GRIN2A: variants seen among roughly 807,000 people sequenced by gnomAD.
GRIN2A encodes the protein glutamate ionotropic receptor NMDA type subunit 2A.
GRIN2A carries 22 observed loss-of-function variants against 113.4 expected under a neutral mutation model. The observed-to-expected ratio is 0.19, with a 90% CI of 0.14 to 0.28. GRIN2A has a LOEUF of 0.28. Among genes scored for constraint, GRIN2A ranks in the 10% least tolerant of loss-of-function variants. GRIN2A has a pLI of 1.00. For missense variants in GRIN2A, 1,502 were observed against 1,887.0 expected (o/e 0.80, Z 3.78); for synonymous variants, 827 against 738.4 (o/e 1.12, Z -1.94).
intron 11 of GRIN2A, among the ~76,000 whole-genome samples, chr16:9,779,804 G>C (rs568719491): frequency 2.0e-5 from 3 of 152,164 alleles, no homozygotes; most frequent in Non-Finnish European, 4.4e-5. Context: ...CTTTTCCCAA[G>C]TCTAAGGCAC....
chr16:9,916,002 G>C (rs756076923), intron 3 of GRIN2A, among the ~76,000 whole-genome samples: 1 of 152,160 alleles, frequency 6.6e-6, no homozygotes, highest in Admixed American at 6.5e-5. Context: ...GGATTATTGA[G>C]AGTGCTGCAA....
At chr16:10,114,412 G>C (rs369664972) in intron 2 of GRIN2A, among the ~76,000 whole-genome samples, 1 of 152,162 alleles carries the variant, frequency 6.6e-6, no homozygotes, top group African/African-American at 2.4e-5. Context: ...ATGCCAGCCT[G>C]GGTGAAATGA....
intron 4 of GRIN2A, among the ~76,000 whole-genome samples, chr16:9,884,399 G>C (rs2043548504): frequency 6.6e-6 from 1 of 151,984 alleles, no homozygotes; most frequent in African/African-American, 2.4e-5. Context: ...AAACACAAAA[G>C]TTAGCCAGGA....
chr16:10,141,845 A>G (rs1421885404), intron 2 of GRIN2A, among the ~76,000 whole-genome samples: 1 of 152,210 alleles, frequency 6.6e-6, no homozygotes, highest in Non-Finnish European at 1.5e-5. Flanking sequence ...TGCATTGCCA[A>G]AGGTCACACT....
intron 2 of GRIN2A, among the ~76,000 whole-genome samples, chr16:10,062,726 G>A (rs1207789502): frequency 6.6e-6 from 1 of 152,122 alleles, no homozygotes; most frequent in East Asian, 1.9e-4. Context: ...TTAGTTGCGT[G>A]TGATGGCATA....
chr16:9,913,254 T>C (rs2044180300), intron 3 of GRIN2A, among the ~76,000 whole-genome samples: 1 of 152,222 alleles, frequency 6.6e-6, no homozygotes, highest in Admixed American at 6.5e-5. Context: ...GGGTCACTCC[T>C]TATGAGTCTC....
intron 2 of GRIN2A, among the ~76,000 whole-genome samples, chr16:9,978,158 A>T (rs1438346821): frequency 1.3e-5 from 2 of 152,230 alleles, no homozygotes; most frequent in Non-Finnish European, 2.9e-5. Flanking sequence ...ACCAACTGAT[A>T]AAGAAAAAGC....
At chr16:10,145,701 G>T (rs1218010384) in intron 2 of GRIN2A, among the ~76,000 whole-genome samples, 1 of 152,088 alleles carries the variant, frequency 6.6e-6, no homozygotes, top group Non-Finnish European at 1.5e-5. Flanking sequence ...TTCTGTAAAG[G>T]GCCAGATAGT....
intron 10 of GRIN2A, among the ~76,000 whole-genome samples, chr16:9,820,759 G>A (rs994588912): frequency 1.3e-5 from 2 of 152,172 alleles, no homozygotes; most frequent in Non-Finnish European, 2.9e-5. Flanking sequence ...GTGGGGCGGG[G>A]TTCCAGGGAG....
chr16:10,091,044 C>T lies in GRIN2A; in HGVS notation c.414+88954G>A, dbSNP rs189098789. 2.3e-3 allele frequency among the ~76,000 whole-genome samples: 355 copies of T among 152,222 alleles called. 1 individual carries two copies. Among genetic ancestry groups the T allele is most frequent in the African/African-American group, 8.1e-3 (335 of 41,526 alleles). On this transcript the variant is annotated intron_variant, in intron 2 of 12. Coordinates refer to ENST00000330684, the MANE Select transcript of GRIN2A (RefSeq NM_001134407.3). Reference sequence around the variant, plus strand: ...CTATAATGGAAAATATGGACAACACCAAGTGTTGGCAAGGATTCACAGAAA... The same window carrying T: ...CTATAATGGAAAATATGGACAACACTAAGTGTTGGCAAGGATTCACAGAAA...
At chr16:10,130,902 G>A (rs902630185) in intron 2 of GRIN2A, among the ~76,000 whole-genome samples, 5 of 152,178 alleles carry the variant, frequency 3.3e-5, no homozygotes, top group African/African-American at 1.2e-4. Context: ...GCCAAACACA[G>A]ACTCATCTCT....
intron 10 of GRIN2A, among the ~76,000 whole-genome samples, chr16:9,818,236 C>G (rs955326894): frequency 6.6e-6 from 1 of 151,864 alleles, no homozygotes; most frequent in Non-Finnish European, 1.5e-5. Flanking sequence ...CAAAGTTGAT[C>G]GGATCTTGGT....
chr16:10,092,051 A>T (rs2048193401), intron 2 of GRIN2A, among the ~76,000 whole-genome samples: 1 of 152,212 alleles, frequency 6.6e-6, no homozygotes, highest in Admixed American at 6.5e-5. Context: ...AAAATAATTA[A>T]TCCTCTAACA....
At chr16:10,018,804 C>T (rs549225896) in intron 2 of GRIN2A, among the ~76,000 whole-genome samples, 1 of 152,214 alleles carries the variant, frequency 6.6e-6, no homozygotes, top group South Asian at 2.1e-4. Flanking sequence ...TTCTCTAGGT[C>T]CCAGAATCTC....
chr16:9,984,229 AT>A lies in GRIN2A; in HGVS notation c.415-45679del, dbSNP rs34897635. Among the ~76,000 whole-genome samples the A allele has an allele frequency of 1.6e-3, 239 of 149,672 alleles. 1 individual carries two copies. Among genetic ancestry groups the A allele is most frequent in the African/African-American group, 4.9e-3 (201 of 40,898 alleles). ...AACTCATTTGCCCATTTTTAATCGG[AT>A]TTTTTTTTTGCTGTTGAGTTCCTTG... On this transcript the variant is annotated intron_variant, in intron 2 of 12. Coordinates refer to ENST00000330684, the MANE Select transcript of GRIN2A (RefSeq NM_001134407.3).
chr16:9,847,785 T>C (rs2042801957), intron 5 of GRIN2A, among the ~76,000 whole-genome samples: 1 of 148,954 alleles, frequency 6.7e-6, no homozygotes, highest in Admixed American at 6.7e-5. Context: ...ATACGTTTTA[T>C]ACATTTCTAA....
chr16:9,835,538 A>G (rs995547006), intron 7 of GRIN2A, among the ~76,000 whole-genome samples: 3 of 152,218 alleles, frequency 2.0e-5, no homozygotes, highest in Non-Finnish European at 4.4e-5. Flanking sequence ...TTAAAAATGA[A>G]TACATCTCCA....
At chr16:10,081,614 T>C (rs1448271) in intron 2 of GRIN2A, among the ~76,000 whole-genome samples, 130,471 of 152,208 alleles carry the variant, frequency 0.86, 56,451 homozygotes, top group East Asian at 1. Context: ...CAACTGGGGA[T>C]AGTTGTAAAA....
intron 2 of GRIN2A, among the ~76,000 whole-genome samples, chr16:10,159,157 C>G (rs1323827100): frequency 1.3e-5 from 2 of 152,120 alleles, no homozygotes; most frequent in African/African-American, 2.4e-5. Context: ...GGTGGTGGTC[C>G]TCGGATCCCT....
Sources: gnomAD v4.1 joint callset for allele counts (sites outside exome capture counted in the v4.1 genomes callset) on GRCh38, gnomAD v4.1.1 for gene constraint, MANE v1.5 for transcripts, NCBI Gene and HGNC (gene_info 2026-07-23, HGNC 2026-07-21) for gene names.